Variants in SH3RF3 observed in about 807,000 individuals in gnomAD.
The protein encoded by SH3RF3 is E3 ubiquitin-protein ligase SH3RF3.
SH3RF3 carries 29 observed loss-of-function variants against 66.3 expected under a neutral mutation model. The ratio of observed to expected loss-of-function variants is 0.44; its 90% CI spans 0.33 to 0.60. SH3RF3 has a LOEUF of 0.60. Among genes scored for constraint, SH3RF3 ranks in the 20% least tolerant of loss-of-function variants. SH3RF3 has a pLI of 0.04. For missense variants in SH3RF3, 1,194 were observed against 1,190.9 expected, an observed-to-expected ratio of 1.00 and a Z score of -0.04; for synonymous variants, 583 against 532.0, an observed-to-expected ratio of 1.10 and a Z score of -1.32.
Position 109,179,765 on chromosome 2 carries a change from A to G in SH3RF3, c.573+49652A>G, listed in dbSNP as rs115836143. Among the ~76,000 whole-genome samples the G allele has an allele frequency of 7.7e-3, 1,171 of 152,304 alleles. 23 individuals are homozygous for G. Among genetic ancestry groups the G allele is most frequent in the African/African-American group, 0.027 (1,121 of 41,574 alleles). ...TCCAAAGACCCTGCCTCAAGATGCC[A>G]TCAACATATGAATTTGGAGATTGTG... On this transcript the variant is annotated intron_variant, in intron 1 of 9. Transcript: ENST00000309415.
chr2:109,488,049 G>C (rs1679028470), intron 8 of SH3RF3, among the ~76,000 whole-genome samples: 1 of 152,202 alleles, frequency 6.6e-6, no homozygotes. Flanking sequence ...ACAACGCAAG[G>C]CCACCCAGGT....
intron 1 of SH3RF3, among the ~76,000 whole-genome samples, chr2:109,185,348 A>G: frequency 6.6e-6 from 1 of 152,218 alleles, no homozygotes; most frequent in East Asian, 1.9e-4. Flanking sequence ...AAAAGATTGG[A>G]TTGTTAGAGC....
At chr2:109,394,605 T>C (rs1161263588) in intron 3 of SH3RF3, among the ~76,000 whole-genome samples, 1 of 152,270 alleles carries the variant, frequency 6.6e-6, no homozygotes, top group Admixed American at 6.5e-5. Context: ...AAATGTGTTC[T>C]CTTTCCATTA....
At chr2:109,433,169 C>A (rs939967959) in intron 6 of SH3RF3, among the ~76,000 whole-genome samples, 3 of 152,150 alleles carry the variant, frequency 2.0e-5, no homozygotes, top group Non-Finnish European at 2.9e-5. Flanking sequence ...AATGTAGGTA[C>A]AGCATGTGTG....
At chr2:109,204,748 A>G (rs554487276) in intron 1 of SH3RF3, among the ~76,000 whole-genome samples, 65 of 152,258 alleles carry the variant, frequency 4.3e-4, no homozygotes, top group South Asian at 2.3e-3. Flanking sequence ...AGACCAAGCC[A>G]ATTATTTTGT....
At position 109,504,381 on chromosome 2, in the gene SH3RF3, CAG is replaced by C. The variant is rs939849248; in HGVS notation, c.*2715_*2716del. On this transcript the variant is annotated 3_prime_UTR_variant, in exon 10 of 10. Coordinates refer to ENST00000309415, the MANE Select transcript of SH3RF3 (RefSeq NM_001099289.3). ...CCAGGGGCCTCTGCCCAGAGGGAGG[CAG>C]AGAGGATGGCGGCCACGGGTGCTCT... The C allele has an allele frequency of 6.6e-6, 1 of 152,256 alleles. No homozygotes were observed. The highest frequency in any genetic ancestry group is 2.4e-5 in the African/African-American group (1 of 41,456). The allele number at this position is 152,256 out of a possible 1,614,324, so 9.4% of individuals were successfully genotyped here. A position where few individuals can be genotyped will look rare whatever the true frequency, so the allele number is the denominator to read the frequency against.
intron 1 of SH3RF3, among the ~76,000 whole-genome samples, chr2:109,206,207 TG>T (rs1165313364): frequency 6.6e-6 from 1 of 152,112 alleles, no homozygotes; most frequent in Non-Finnish European, 1.5e-5. Flanking sequence ...TAGAGGAGGC[TG>T]GGCCGGGCAC....
rs112529055 is a variant in SH3RF3 at position 109,231,158 on chromosome 2, G to A, written c.573+101045G>A. Reference sequence around the variant, plus strand: ...TAGTGACCCCATCTCCTCTCCTCCCGGAGCCAGGCCAGAGCGGCTTTGCCG... The same window carrying A: ...TAGTGACCCCATCTCCTCTCCTCCCAGAGCCAGGCCAGAGCGGCTTTGCCG... On this transcript the variant is annotated intron_variant, in intron 1 of 9. Coordinates refer to ENST00000309415, the MANE Select transcript of SH3RF3 (RefSeq NM_001099289.3). 8.8e-3 allele frequency among the ~76,000 whole-genome samples: 1,345 copies of A among 152,286 alleles called. 16 individuals are homozygous for A. Among genetic ancestry groups the A allele is most frequent in the African/African-American group, 0.031 (1,286 of 41,554 alleles).
intron 8 of SH3RF3, among the ~76,000 whole-genome samples, chr2:109,479,729 G>A (rs1022076571): frequency 1.3e-5 from 2 of 152,170 alleles, no homozygotes; most frequent in Admixed American, 6.5e-5. Context: ...AGGAGGGAAT[G>A]AACCCCCTTG....
chr2:109,356,915 T>C (rs554974540), intron 2 of SH3RF3, among the ~76,000 whole-genome samples: 56 of 152,252 alleles, frequency 3.7e-4, no homozygotes, highest in African/African-American at 1.3e-3. Flanking sequence ...CCTCCTTCCC[T>C]GGCTTGCCAT....
intron 5 of SH3RF3, among the ~76,000 whole-genome samples, chr2:109,428,383 A>C (rs1469161334): frequency 3.3e-5 from 5 of 152,266 alleles, no homozygotes; most frequent in Admixed American, 2.0e-4. Flanking sequence ...AGTATGGGTA[A>C]GCGAAGGCTG....
At chr2:109,320,446 G>T (rs990095532) in intron 1 of SH3RF3, among the ~76,000 whole-genome samples, 1 of 152,106 alleles carries the variant, frequency 6.6e-6, no homozygotes, top group Non-Finnish European at 1.5e-5. Context: ...GCCCATCCTC[G>T]GCAGTGAGCC....
At chr2:109,357,498 C>A (rs1328664940) in intron 2 of SH3RF3, among the ~76,000 whole-genome samples, 1 of 152,168 alleles carries the variant, frequency 6.6e-6, no homozygotes, top group East Asian at 1.9e-4. Context: ...TATATTCTTA[C>A]CTAGTGATGA....
intron 1 of SH3RF3, among the ~76,000 whole-genome samples, chr2:109,199,583 G>GCC (rs1678602807): frequency 4.2e-3 from 1 of 240 alleles, no homozygotes; most frequent in African/African-American, 0.014. Flanking sequence ...GGAATGGAAT[G>GCC]GAATGGAATG....
chr2:109,435,897 A>AG (rs1204344304), intron 6 of SH3RF3, among the ~76,000 whole-genome samples: 1 of 152,174 alleles, frequency 6.6e-6, no homozygotes, highest in Non-Finnish European at 1.5e-5. Flanking sequence ...CACAGCTCTG[A>AG]GGGCTGGGGA....
chr2:109,277,607 C>T (rs914648818), intron 1 of SH3RF3, among the ~76,000 whole-genome samples: 7 of 152,164 alleles, frequency 4.6e-5, no homozygotes, highest in Admixed American at 3.9e-4. Flanking sequence ...CACTCCTCCG[C>T]GTGCGTAGCT....
chr2:109,373,546 A>C (rs1683320187), intron 3 of SH3RF3, among the ~76,000 whole-genome samples: 1 of 152,220 alleles, frequency 6.6e-6, no homozygotes, highest in Non-Finnish European at 1.5e-5. Context: ...GAAAGAAGCC[A>C]GACATAAAAG....
intron 1 of SH3RF3, among the ~76,000 whole-genome samples, chr2:109,313,059 G>C (rs563938979): frequency 3.5e-4 from 54 of 152,182 alleles, no homozygotes; most frequent in Non-Finnish European, 5.9e-4. Context: ...AGGAGACAGG[G>C]AACCCATGCA....
chr2:109,225,771 C>T (rs547284695), intron 1 of SH3RF3, among the ~76,000 whole-genome samples: 1 of 152,282 alleles, frequency 6.6e-6, no homozygotes, highest in East Asian at 1.9e-4. Context: ...TGCTTTCTTT[C>T]GTTCTTAAAA....
Sources: gnomAD v4.1 joint callset for allele counts (sites outside exome capture counted in the v4.1 genomes callset) on GRCh38, gnomAD v4.1.1 for gene constraint, MANE v1.5 for transcripts, NCBI Gene and HGNC (gene_info 2026-07-23, HGNC 2026-07-21) for gene names.